FHIP1A: variants seen among roughly 807,000 people sequenced by gnomAD.
The protein encoded by FHIP1A is FHF complex subunit HOOK interacting protein 1A.
FHIP1A carries 61 observed loss-of-function variants against 88.6 expected under a neutral mutation model. That is an observed-to-expected ratio of 0.69 (90% CI 0.56 to 0.85). FHIP1A has a LOEUF of 0.85. Among genes scored for constraint, FHIP1A ranks in the 40% least tolerant of loss-of-function variants. The pLI, the probability that FHIP1A is intolerant of heterozygous loss-of-function variation, is 0.00. For synonymous variants in FHIP1A, 478 were observed against 496.0 expected (o/e 0.96, Z 0.48); for missense variants, 1,154 against 1,273.5 (o/e 0.91, Z 1.43).
intron 3 of FHIP1A, among the ~76,000 whole-genome samples, chr4:151,521,003 A>G (rs1731424978): frequency 6.6e-6 from 1 of 152,268 alleles, no homozygotes; most frequent in African/African-American, 2.4e-5. Flanking sequence ...TTATGGAAAC[A>G]GAACAGTGGT....
At chr4:151,519,402 T>G (rs1028314810) in intron 3 of FHIP1A, among the ~76,000 whole-genome samples, 2 of 152,190 alleles carry the variant, frequency 1.3e-5, no homozygotes, top group Non-Finnish European at 2.9e-5. Flanking sequence ...TCATTCAGGT[T>G]GTTGTGTTTT....
chr4:151,465,786 C>T (rs1382859504), intron 2 of FHIP1A, among the ~76,000 whole-genome samples: 1 of 152,200 alleles, frequency 6.6e-6, no homozygotes, highest in Non-Finnish European at 1.5e-5. Flanking sequence ...ATGATTATCA[C>T]AGTAGATGCA....
At chr4:151,651,621 C>CA in intron 11 of FHIP1A, among the ~76,000 whole-genome samples, 2 of 152,334 alleles carry the variant, frequency 1.3e-5, no homozygotes, top group Middle Eastern at 6.8e-3. Flanking sequence ...CATTTTATGA[C>CA]ACGTAGCACC....
At chr4:151,589,072 C>T (rs1734328759) in intron 7 of FHIP1A, 146 bp downstream of exon 7, 1 of 652,478 alleles carries the variant, frequency 1.5e-6, no homozygotes, top group Non-Finnish European at 2.7e-6. Flanking sequence ...ATATCAAACA[C>T]AGGTATTAAA....
At chr4:151,442,377 T>G (rs1237533682) in intron 1 of FHIP1A, among the ~76,000 whole-genome samples, 1 of 152,088 alleles carries the variant, frequency 6.6e-6, no homozygotes, top group African/African-American at 2.4e-5. Context: ...CTTAAAAATG[T>G]AGAATCTCTC....
chr4:151,472,241 C>T (rs1180357651), intron 2 of FHIP1A, among the ~76,000 whole-genome samples: 4 of 152,050 alleles, frequency 2.6e-5, no homozygotes, highest in Middle Eastern at 3.2e-3. Context: ...ATAGCTTTGC[C>T]CTAATAACTT....
intron 2 of FHIP1A, among the ~76,000 whole-genome samples, chr4:151,458,148 A>G (rs771382998): frequency 3.7e-4 from 57 of 152,344 alleles, no homozygotes; most frequent in Admixed American, 7.8e-4. Context: ...TTCTTTGCCC[A>G]TGTCGCAGAG....
intron 3 of FHIP1A, among the ~76,000 whole-genome samples, chr4:151,550,235 C>A (rs575181073): frequency 7.9e-5 from 12 of 152,228 alleles, no homozygotes; most frequent in African/African-American, 2.9e-4. Context: ...CTTCATGTTA[C>A]AAACTATCCA....
intron 3 of FHIP1A, among the ~76,000 whole-genome samples, chr4:151,484,237 A>T (rs1730001315): frequency 6.6e-6 from 1 of 152,214 alleles, no homozygotes. Context: ...AGTCGTTTAC[A>T]ACCATTCACC....
At chr4:151,545,370 T>C (rs1287461558) in intron 3 of FHIP1A, among the ~76,000 whole-genome samples, 1 of 40,882 alleles carries the variant, frequency 2.4e-5, no homozygotes, top group Non-Finnish European at 5.2e-5. Context: ...CTTATCCTTC[T>C]TTTTTTTTTT....
chr4:151,522,224 C>T (rs1006633538), intron 3 of FHIP1A, among the ~76,000 whole-genome samples: 1 of 152,192 alleles, frequency 6.6e-6, no homozygotes, highest in Non-Finnish European at 1.5e-5. Flanking sequence ...CTGATTCCAG[C>T]CTTCAGTGCT....
Position 151,669,380 on chromosome 4 carries a change from T to C in FHIP1A, c.*6626T>C, listed in dbSNP as rs1737779646. ...CAGTTTGCACTTGACATAATAGTTTTGGTAAATGTCTTTTTCTGGCTGCAC... is the reference window on the plus strand; with the variant it reads ...CAGTTTGCACTTGACATAATAGTTTCGGTAAATGTCTTTTTCTGGCTGCAC... On this transcript the variant is annotated 3_prime_UTR_variant, in exon 14 of 14. Coordinates refer to ENST00000435205, the MANE Select transcript of FHIP1A (RefSeq NM_001109977.3). 6.6e-6 allele frequency among the ~76,000 whole-genome samples: 1 copy of C among 152,236 alleles called. No homozygotes were observed. Among genetic ancestry groups the C allele is most frequent in the Non-Finnish European group, 1.5e-5 (1 of 68,034 alleles).
intron 3 of FHIP1A, among the ~76,000 whole-genome samples, chr4:151,492,455 TGTG>T (rs887353694): frequency 6.6e-6 from 1 of 151,764 alleles, no homozygotes; most frequent in Non-Finnish European, 1.5e-5. Context: ...AGCTGGGTGT[TGTG>T]GTGTGCACCT....
chr4:151,623,540 T>TC, intron 7 of FHIP1A, among the ~76,000 whole-genome samples: 1 of 135,798 alleles, frequency 7.4e-6, no homozygotes, highest in Middle Eastern at 4.1e-3. Flanking sequence ...TTTTTTTTTT[T>TC]TTCGCCTCAA....
chr4:151,466,022 A>G (rs1030138144), intron 2 of FHIP1A, among the ~76,000 whole-genome samples: 4 of 152,054 alleles, frequency 2.6e-5, no homozygotes, highest in Non-Finnish European at 5.9e-5. Flanking sequence ...GTATTCATAT[A>G]GAAAGAGAGG....
chr4:151,475,487 G>A (rs142221037), intron 2 of FHIP1A, among the ~76,000 whole-genome samples: 1 of 152,292 alleles, frequency 6.6e-6, no homozygotes, highest in African/African-American at 2.4e-5. Context: ...CAAATGAAGA[G>A]GAGGATGATA....
Position 151,664,615 on chromosome 4 carries a change from T to C in FHIP1A, c.*1861T>C, listed in dbSNP as rs1737595908. The stretch of plus-strand genomic sequence containing the variant: ...CTGGCTTCCTGATGTCTGGTTGTAT[T>C]TGCACAGCCCACAACTCTCCATTAG... On this transcript the variant is annotated 3_prime_UTR_variant, in exon 14 of 14. Coordinates refer to ENST00000435205, the MANE Select transcript of FHIP1A (RefSeq NM_001109977.3). Among the ~76,000 whole-genome samples the C allele has an allele frequency of 6.6e-6, 1 of 152,216 alleles. No homozygotes were observed. Among genetic ancestry groups the C allele is most frequent in the South Asian group, 2.1e-4 (1 of 4,832 alleles).
At chr4:151,450,336 T>G (rs1580579749) in intron 1 of FHIP1A, among the ~76,000 whole-genome samples, 1 of 152,212 alleles carries the variant, frequency 6.6e-6, no homozygotes. Flanking sequence ...TTCCATTTAA[T>G]AATATCTTTT....
At chr4:151,503,091 G>C (rs1296525836) in intron 3 of FHIP1A, among the ~76,000 whole-genome samples, 3 of 152,188 alleles carry the variant, frequency 2.0e-5, no homozygotes, top group Non-Finnish European at 4.4e-5. Flanking sequence ...CTCACCACTT[G>C]CGGAGTCTAA....
Sources: allele counts gnomAD v4.1 joint callset (sites outside exome capture counted in the v4.1 genomes callset), GRCh38; gene constraint gnomAD v4.1.1; transcripts MANE v1.5; gene names NCBI Gene and HGNC (gene_info 2026-07-23, HGNC 2026-07-21).